Variants in RPS6KB1 observed in about 807,000 individuals in gnomAD.
RPS6KB1 encodes the protein ribosomal protein S6 kinase B1, also known as ribosomal protein S6 kinase beta-1.
Under a neutral mutation model 70.2 loss-of-function variants are expected in RPS6KB1, and 12 were observed. The observed-to-expected ratio is 0.17, with a 90% CI of 0.11 to 0.28. The LOEUF is 0.28. RPS6KB1 is among the 10% of genes least tolerant of loss of function. The pLI, the probability that RPS6KB1 is intolerant of heterozygous loss-of-function variation, is 1.00. For missense variants in RPS6KB1, 270 were observed against 646.6 expected (o/e 0.42, Z 6.32); for synonymous variants, 175 against 211.2 (o/e 0.83, Z 1.49).
Position 59,950,076 on chromosome 17 carries a change from T to G in RPS6KB1, c.*3288T>G, listed in dbSNP as rs2045131553. On this transcript the variant is annotated 3_prime_UTR_variant, in exon 15 of 15. Transcript: ENST00000225577. Reference sequence around the variant, plus strand: ...AGACACTAGCAAGCTGGACAAACTATCACAAAAGTATTTGTCACACATAAC... The same window carrying G: ...AGACACTAGCAAGCTGGACAAACTAGCACAAAAGTATTTGTCACACATAAC... 1 of 152,556 alleles carries G rather than the reference T, an allele frequency of 6.6e-6. No homozygotes were observed. Among genetic ancestry groups the G allele is most frequent in the Non-Finnish European group, 1.5e-5 (1 of 67,952 alleles). The allele number at this position is 152,556 out of a possible 1,614,324, so 9.5% of individuals were successfully genotyped here. A position where few individuals can be genotyped will look rare whatever the true frequency, so the allele number is the denominator to read the frequency against.
At chr17:59,942,531 TG>T (rs1248531099) in intron 13 of RPS6KB1, among the ~76,000 whole-genome samples, 6 of 152,208 alleles carry the variant, frequency 3.9e-5, no homozygotes, top group Non-Finnish European at 7.3e-5. Context: ...TTTTTTCTTT[TG>T]TCATTTGTTT....
intron 1 of RPS6KB1, chr17:59,894,037 T>G: frequency 1.4e-6 from 1 of 729,902 alleles, no homozygotes; most frequent in Non-Finnish European, 1.7e-6. Flanking sequence ...ATGTCTGTAT[T>G]TTTTTCAGAA....
chr17:59,945,929 G>A (rs541921057), intron 14 of RPS6KB1, among the ~76,000 whole-genome samples: 4 of 152,290 alleles, frequency 2.6e-5, no homozygotes, highest in African/African-American at 9.6e-5. Context: ...TACAAGTAGT[G>A]CAAAGTGCTA....
At chr17:59,908,613 A>ATTTTTTT (rs546677930) in intron 1 of RPS6KB1, among the ~76,000 whole-genome samples, 1 of 106,164 alleles carries the variant, frequency 9.4e-6, no homozygotes, top group East Asian at 3.1e-4. Context: ...TGTAAAAAAA[A>ATTTTTTT]TTTTTTTTTT....
intron 2 of RPS6KB1, among the ~76,000 whole-genome samples, chr17:59,911,780 G>A (rs770003925): frequency 1.3e-5 from 2 of 151,650 alleles, no homozygotes; most frequent in Non-Finnish European, 2.9e-5. Context: ...ATTTTTAGTG[G>A]AGACAGGGTT....
At chr17:59,900,163 A>C (rs891297665) in intron 1 of RPS6KB1, among the ~76,000 whole-genome samples, 1 of 116,280 alleles carries the variant, frequency 8.6e-6, no homozygotes. Context: ...ACAGAAACCT[A>C]ATTGCTAAAC....
chr17:59,910,885 ATCTTT>A (rs1267487662), intron 2 of RPS6KB1, among the ~76,000 whole-genome samples: 7 of 152,202 alleles, frequency 4.6e-5, no homozygotes, highest in African/African-American at 1.7e-4. Context: ...CACAGTTTTA[ATCTTT>A]TCTTACAGAA....
Position 59,934,773 on chromosome 17 carries a change from T to C in RPS6KB1, c.870+249T>C. The C allele has an allele frequency of 2.2e-6, 1 of 446,426 alleles. No individual in the cohort carries two copies. Among genetic ancestry groups the C allele is most frequent in the Non-Finnish European group, 4.0e-6 (1 of 252,662 alleles). The allele number at this position is 446,426 out of a possible 1,614,324, so 27.7% of individuals were successfully genotyped here. ...AGATGTTGAATAGATAATGCCCTTA[T>C]TTTATAAATGGAGAAATTGAAGCAT... On this transcript the variant is annotated intron_variant, in intron 9 of 14. Coordinates refer to ENST00000225577, the MANE Select transcript of RPS6KB1 (RefSeq NM_003161.4). The surrounding 1 kb of genome is among the most constrained non-coding windows in gnomAD (Gnocchi z 4.8).
chr17:59,936,022 A>G (rs992545049), intron 10 of RPS6KB1, among the ~76,000 whole-genome samples, 193 bp from the exon 11 acceptor site: 3 of 149,708 alleles, frequency 2.0e-5, no homozygotes, highest in Non-Finnish European at 4.4e-5. Flanking sequence ...ATGTTGGCCA[A>G]CCTCGAACTC....
chr17:59,901,624 T>TG (rs2041951346), intron 1 of RPS6KB1, among the ~76,000 whole-genome samples: 1 of 67,660 alleles, frequency 1.5e-5, no homozygotes, highest in Non-Finnish European at 2.5e-5. Flanking sequence ...ACCCTGTCTC[T>TG]GAAAAAAAAA....
intron 1 of RPS6KB1, among the ~76,000 whole-genome samples, chr17:59,902,460 A>T (rs553917321): frequency 5.9e-5 from 9 of 152,212 alleles, no homozygotes; most frequent in Admixed American, 4.6e-4. Context: ...TTTTAGGGCC[A>T]AATAGTTATT....
intron 1 of RPS6KB1, among the ~76,000 whole-genome samples, chr17:59,908,613 ATT>A (rs546677930): frequency 1.1e-4 from 12 of 106,172 alleles, no homozygotes; most frequent in Non-Finnish European, 1.9e-4. Context: ...TGTAAAAAAA[ATT>A]TTTTTTTTTT....
intron 1 of RPS6KB1, among the ~76,000 whole-genome samples, chr17:59,901,400 C>T (rs796901034): frequency 6.6e-6 from 1 of 151,186 alleles, no homozygotes; most frequent in South Asian, 2.1e-4. Context: ...CCGCCCGCCT[C>T]AGCCTCCTAA....
chr17:59,919,850 T>C (rs2043168149), intron 4 of RPS6KB1, among the ~76,000 whole-genome samples: 1 of 152,104 alleles, frequency 6.6e-6, no homozygotes, highest in Admixed American at 6.6e-5. Flanking sequence ...TCCTTCTAAT[T>C]TTTCCTCTAA....
At chr17:59,923,316 G>T (rs1363003544) in intron 4 of RPS6KB1, among the ~76,000 whole-genome samples, 1 of 151,922 alleles carries the variant, frequency 6.6e-6, no homozygotes, top group Non-Finnish European at 1.5e-5. Context: ...CTCAGCCTCT[G>T]GAGTAACGGG....
chr17:59,920,773 ACTGCAACCTTTGC>A (rs2043218039), intron 4 of RPS6KB1, among the ~76,000 whole-genome samples: 1 of 152,198 alleles, frequency 6.6e-6, no homozygotes, highest in Non-Finnish European at 1.5e-5. Context: ...TTCTCAGCTC[ACTGCAACCTTTGC>A]CTCTTGGGTT....
intron 4 of RPS6KB1, among the ~76,000 whole-genome samples, chr17:59,916,188 C>T (rs913326318): frequency 1.3e-5 from 2 of 152,138 alleles, no homozygotes; most frequent in African/African-American, 4.8e-5. Context: ...GCAACCTCCA[C>T]CTCCCAGGTT....
rs2045095954 is a variant in RPS6KB1 at position 59,949,398 on chromosome 17, A to C, written c.*2610A>C. 1 of 152,606 alleles carries C rather than the reference A, an allele frequency of 6.6e-6. No individual in the cohort carries two copies. The highest frequency in any genetic ancestry group is 1.5e-5 in the Non-Finnish European group (1 of 67,996). 9.5% of individuals were successfully genotyped at this position (152,606 alleles called of 1,614,324 possible). ...TTTCTAAGAGGGTTCTTTATGTTAT[A>C]CCAGGTAAGTGTATAAAAGAGATTA... On this transcript the variant is annotated 3_prime_UTR_variant, in exon 15 of 15. Transcript: ENST00000225577.
chr17:59,909,487 C>T (rs62081837), intron 1 of RPS6KB1, among the ~76,000 whole-genome samples: 148,913 of 148,968 alleles, frequency 1, 74,429 homozygotes, highest in Admixed American at 1. Context: ...AGGCCGGTCT[C>T]GAACTCCTGA....
Sources: allele counts gnomAD v4.1 joint callset (sites outside exome capture counted in the v4.1 genomes callset), GRCh38; gene constraint gnomAD v4.1.1; non-coding constraint Gnocchi (gnomAD v3.1); transcripts MANE v1.5; gene names NCBI Gene and HGNC (gene_info 2026-07-23, HGNC 2026-07-21).